RUNDC3B: variants seen among roughly 807,000 people sequenced by gnomAD.
RUNDC3B encodes the protein RUN domain-containing protein 3B.
RUNDC3B carries 33 observed loss-of-function variants against 58.4 expected under a neutral mutation model. That is an observed-to-expected ratio of 0.56 (90% CI 0.43 to 0.75). The LOEUF is 0.75. RUNDC3B is among the 30% of genes least tolerant of loss of function. RUNDC3B has a pLI of 0.00. For synonymous variants in RUNDC3B, 193 were observed against 195.2 expected (o/e 0.99, Z 0.10); for missense variants, 501 against 535.7 (o/e 0.94, Z 0.64).
At chr7:87,806,088 G>A (rs918504595) in intron 8 of RUNDC3B, among the ~76,000 whole-genome samples, 4 of 152,080 alleles carry the variant, frequency 2.6e-5, no homozygotes, top group Admixed American at 6.6e-5. Context: ...TATCTTACTA[G>A]GATACATTCT....
chr7:87,815,201 CT>C (rs1329866434), intron 9 of RUNDC3B, among the ~76,000 whole-genome samples: 1 of 151,936 alleles, frequency 6.6e-6, no homozygotes, highest in African/African-American at 2.4e-5. Flanking sequence ...ACTAAGTCTA[CT>C]TTTGTGTATG....
At chr7:87,821,542 T>G (rs1246072789) in intron 10 of RUNDC3B, among the ~76,000 whole-genome samples, 1 of 152,112 alleles carries the variant, frequency 6.6e-6, no homozygotes, top group Non-Finnish European at 1.5e-5. Flanking sequence ...AAAAACTACT[T>G]TAAAGTTCAT....
intron 3 of RUNDC3B, chr7:87,709,114 C>T (rs932938516): frequency 1.1e-5 from 3 of 277,368 alleles, no homozygotes; most frequent in Non-Finnish European, 1.6e-5. Context: ...ACAACTTATC[C>T]TTATAATATA....
intron 8 of RUNDC3B, among the ~76,000 whole-genome samples, chr7:87,804,026 TAGA>T (rs1836307512): frequency 6.6e-6 from 1 of 152,108 alleles, no homozygotes; most frequent in Non-Finnish European, 1.5e-5. Flanking sequence ...ATAATCAAAG[TAGA>T]AGATCCATAA....
At chr7:87,824,508 CA>C (rs1452784782) in intron 10 of RUNDC3B, among the ~76,000 whole-genome samples, 1 of 152,116 alleles carries the variant, frequency 6.6e-6, no homozygotes. Flanking sequence ...GTCTTATCAG[CA>C]GTGTGAAAGT....
intron 2 of RUNDC3B, among the ~76,000 whole-genome samples, chr7:87,652,719 A>G (rs1017228961): frequency 1.3e-5 from 2 of 150,636 alleles, no homozygotes; most frequent in African/African-American, 2.4e-5. Context: ...GGACTTTCAT[A>G]TATTATTTCC....
intron 2 of RUNDC3B, among the ~76,000 whole-genome samples, chr7:87,670,083 TC>T (rs1438034626): frequency 6.6e-6 from 1 of 152,170 alleles, no homozygotes; most frequent in Non-Finnish European, 1.5e-5. Context: ...GTTTTCTTTC[TC>T]CCCCTCCCTT....
At chr7:87,818,438 A>G (rs1837199532) in intron 10 of RUNDC3B, among the ~76,000 whole-genome samples, 1 of 152,218 alleles carries the variant, frequency 6.6e-6, no homozygotes, top group East Asian at 1.9e-4. Flanking sequence ...GGAAGGAAAC[A>G]TGTTCTCATG....
intron 2 of RUNDC3B, among the ~76,000 whole-genome samples, chr7:87,680,210 C>T (rs1278515068): frequency 6.6e-6 from 1 of 150,428 alleles, no homozygotes; most frequent in East Asian, 2.0e-4. Flanking sequence ...ATGACCTCAT[C>T]CCTTTTTGTG....
chr7:87,816,185 T>C lies in RUNDC3B; in HGVS notation c.1148T>C (p.Leu383Pro). 1 of 1,609,898 alleles carries C rather than the reference T, an allele frequency of 6.2e-7. No individual in the cohort carries two copies. Among genetic ancestry groups the C allele is most frequent in the East Asian group, 2.2e-5 (1 of 44,798 alleles). The change falls in exon 10 of 11, where the codon CTT (leucine) becomes CCT (proline). Residue 383 changes from leucine (L) to proline (P), a missense_variant. Physicochemically the swap from Leu to Pro is moderately conservative, Grantham distance 98 (BLOSUM62 -3). Coordinates refer to ENST00000394654, the MANE Select transcript of RUNDC3B (RefSeq NM_001134405.2). ...GACCAGTTATCAGCAGAAGTTAGCC[T>C]TTCTCAGACTTCACTAGATCCAGGC... ...SLDQLSAEVS[L>P]SQTSLDPGQS...
intron 1 of RUNDC3B, among the ~76,000 whole-genome samples, chr7:87,648,871 T>C (rs557106674): frequency 6.6e-6 from 1 of 152,236 alleles, no homozygotes; most frequent in East Asian, 1.9e-4. Context: ...GGACTGCCTA[T>C]ATTTAAAATC....
chr7:87,757,110 C>T (rs577652899), intron 6 of RUNDC3B, among the ~76,000 whole-genome samples: 58 of 152,126 alleles, frequency 3.8e-4, no homozygotes, highest in African/African-American at 1.3e-3. Context: ...TAGTCAGCAC[C>T]GTGAAAGGCC....
intron 1 of RUNDC3B, among the ~76,000 whole-genome samples, chr7:87,644,575 A>G (rs943861372): frequency 6.6e-6 from 1 of 152,192 alleles, no homozygotes; most frequent in Non-Finnish European, 1.5e-5. Context: ...AGATGTTTTC[A>G]TGTACATTAG....
chr7:87,632,724 A>G (rs1288615033), intron 1 of RUNDC3B, among the ~76,000 whole-genome samples: 1 of 152,108 alleles, frequency 6.6e-6, no homozygotes, highest in Non-Finnish European at 1.5e-5. Context: ...TATAAGCTTC[A>G]TTGTTTACAG....
intron 4 of RUNDC3B, among the ~76,000 whole-genome samples, chr7:87,738,644 G>A (rs954628709): frequency 6.6e-6 from 1 of 151,930 alleles, no homozygotes; most frequent in Non-Finnish European, 1.5e-5. Flanking sequence ...AGGACTTAAA[G>A]AAGAATTGGG....
At chr7:87,648,111 G>A (rs1025117915) in intron 1 of RUNDC3B, among the ~76,000 whole-genome samples, 4 of 151,420 alleles carry the variant, frequency 2.6e-5, no homozygotes, top group Non-Finnish European at 4.4e-5. Context: ...CGTGAACCGG[G>A]GTGGCATAGC....
At chr7:87,695,305 G>A (rs1828403935) in intron 2 of RUNDC3B, among the ~76,000 whole-genome samples, 1 of 152,004 alleles carries the variant, frequency 6.6e-6, no homozygotes, top group African/African-American at 2.4e-5. Context: ...TAAAGGAAAA[G>A]TTTCTGAACT....
intron 4 of RUNDC3B, among the ~76,000 whole-genome samples, chr7:87,731,033 A>G (rs1252332546): frequency 6.6e-6 from 1 of 152,194 alleles, no homozygotes; most frequent in Non-Finnish European, 1.5e-5. Flanking sequence ...CCTGATGCCT[A>G]CGTGGCTACA....
chr7:87,689,227 T>C (rs1827778266), intron 2 of RUNDC3B, among the ~76,000 whole-genome samples: 2 of 152,076 alleles, frequency 1.3e-5, no homozygotes, highest in African/African-American at 4.8e-5. Flanking sequence ...AATGTTTTAG[T>C]CTACAATTAA....
Sources: allele counts gnomAD v4.1 joint callset (sites outside exome capture counted in the v4.1 genomes callset), GRCh38; gene constraint gnomAD v4.1.1; transcripts MANE v1.5; gene names NCBI Gene and HGNC (gene_info 2026-07-23, HGNC 2026-07-21).